Variants in MBNL3 observed in about 807,000 individuals in gnomAD.
MBNL3 encodes the protein muscleblind-like protein 3.
MBNL3 carries 6 observed loss-of-function variants against 24.5 expected under a neutral mutation model. The ratio of observed to expected loss-of-function variants is 0.25; its 90% CI spans 0.13 to 0.48. The LOEUF is 0.48. Ranked by LOEUF, MBNL3 falls within the 20% of genes least tolerant of loss-of-function variation. The pLI, the probability that MBNL3 is intolerant of heterozygous loss-of-function variation, is 0.99. For synonymous variants in MBNL3, 100 were observed against 101.7 expected, an observed-to-expected ratio of 0.98 and a Z score of 0.10; for missense variants, 230 against 293.5, an observed-to-expected ratio of 0.78 and a Z score of 1.58.
chrX:132,484,786 T>C (rs1460320379), intron 1 of MBNL3, among the ~76,000 whole-genome samples: 1 of 111,474 alleles, frequency 9.0e-6, no homozygotes, highest in African/African-American at 3.3e-5. Flanking sequence ...AGAAAACAAA[T>C]AATTCCTTTT....
At chrX:132,413,675 G>A (rs2148332335) in intron 2 of MBNL3, 28 of 969,801 alleles carry the variant, frequency 2.9e-5, no homozygotes, top group Non-Finnish European at 3.6e-5. Context: ...CACACGGCTC[G>A]CTACCCTGGC....
chrX:132,379,565 G>T lies in MBNL3; in HGVS notation c.*101C>A. 1 of 864,955 alleles carries T rather than the reference G, an allele frequency of 1.2e-6. No individual in the cohort carries two copies. The highest frequency in any genetic ancestry group is 1.6e-6 in the Non-Finnish European group (1 of 621,573). 71.3% of individuals were successfully genotyped at this position (864,955 alleles called of 1,213,427 possible). A position where few individuals can be genotyped will look rare whatever the true frequency, so the allele number is the denominator to read the frequency against. Reference sequence around the variant, plus strand: ...TTGCTTAATACATTGACTGCAACACGCTTATTGTTGTGTTGGTAGAATAAG... The same window carrying T: ...TTGCTTAATACATTGACTGCAACACTCTTATTGTTGTGTTGGTAGAATAAG... On this transcript the variant is annotated 3_prime_UTR_variant, in exon 9 of 9. Transcript: ENST00000370853.
chrX:132,439,407 A>C, intron 2 of MBNL3, 28 bp downstream of exon 2: 3 of 1,108,789 alleles, frequency 2.7e-6, no homozygotes, highest in Non-Finnish European at 3.6e-6. Flanking sequence ...CAACAAATTT[A>C]AATTATGTGC....
At chrX:132,400,596 G>A (rs1940725996) in intron 3 of MBNL3, among the ~76,000 whole-genome samples, 1 of 111,571 alleles carries the variant, frequency 9.0e-6, no homozygotes, top group African/African-American at 3.3e-5. Flanking sequence ...TTTTAAACAC[G>A]TTGCTAGGAC....
At chrX:132,435,496 TTC>T (rs1945069125) in intron 2 of MBNL3, among the ~76,000 whole-genome samples, 1 of 111,453 alleles carries the variant, frequency 9.0e-6, no homozygotes, top group Non-Finnish European at 1.9e-5. Context: ...TGAGTAAGTA[TTC>T]AGTCAAAAAT....
chrX:132,457,969 A>G (rs1231189465), intron 1 of MBNL3, among the ~76,000 whole-genome samples: 1 of 111,979 alleles, frequency 8.9e-6, no homozygotes, highest in East Asian at 2.8e-4. Context: ...TGAGAATTCT[A>G]GAACTGGAAA....
chrX:132,427,845 A>G (rs1944430880), intron 2 of MBNL3, among the ~76,000 whole-genome samples: 2 of 111,808 alleles, frequency 1.8e-5, no homozygotes, highest in African/African-American at 6.5e-5. Flanking sequence ...TACATAGGAC[A>G]TGTCTTGTTT....
intron 7 of MBNL3, among the ~76,000 whole-genome samples, chrX:132,383,804 C>A (rs955343809): frequency 8.1e-5 from 9 of 111,583 alleles, no homozygotes; most frequent in African/African-American, 2.9e-4. Context: ...ACCAAGGTGA[C>A]AAAGGTCAAT....
At chrX:132,412,130 T>C (rs1942822975) in intron 2 of MBNL3, among the ~76,000 whole-genome samples, 1 of 110,853 alleles carries the variant, frequency 9.0e-6, no homozygotes, top group African/African-American at 3.3e-5. Flanking sequence ...TATGTGACCA[T>C]TACGGCTGAA....
At chrX:132,467,448 A>G (rs1320292946) in intron 1 of MBNL3, among the ~76,000 whole-genome samples, 2 of 112,144 alleles carry the variant, frequency 1.8e-5, no homozygotes, top group Non-Finnish European at 3.8e-5. Flanking sequence ...ATTTTATTTA[A>G]GGGAAGTTCT....
At chrX:132,390,265 C>CAAAAAAAAAAAAAAAAAAAAAAAAA in intron 5 of MBNL3, among the ~76,000 whole-genome samples, 1 of 31,615 alleles carries the variant, frequency 3.2e-5, no homozygotes, top group Non-Finnish European at 5.3e-5. Flanking sequence ...ACAACAACAA[C>CAAAAAAAAAAAAAAAAAAAAAAAAA]AAAAAAAAAA....
chrX:132,422,916 G>A (rs1182005479), intron 2 of MBNL3, among the ~76,000 whole-genome samples: 2 of 111,823 alleles, frequency 1.8e-5, no homozygotes, highest in African/African-American at 6.5e-5. Context: ...ATGTGTCCAG[G>A]TGAAGTTGAT....
intron 2 of MBNL3, among the ~76,000 whole-genome samples, chrX:132,424,777 C>T (rs1422513850): frequency 9.2e-6 from 1 of 108,744 alleles, no homozygotes; most frequent in African/African-American, 3.4e-5. Flanking sequence ...CTCCTTTCCT[C>T]CTTCCTTCTT....
chrX:132,449,971 A>T (rs1428017996), intron 1 of MBNL3, among the ~76,000 whole-genome samples: 1 of 72,220 alleles, frequency 1.4e-5, no homozygotes, highest in African/African-American at 5.5e-5. Flanking sequence ...AAGAATGCTG[A>T]ATATTGCCCC....
intron 2 of MBNL3, among the ~76,000 whole-genome samples, chrX:132,437,533 ACTAT>A (rs1169774820): frequency 8.9e-6 from 1 of 112,035 alleles, no homozygotes; most frequent in Non-Finnish European, 1.9e-5. Flanking sequence ...TACAGAAGAT[ACTAT>A]CTATCTGTTA....
chrX:132,476,657 G>A lies in MBNL3; in HGVS notation c.-704+12194C>T, dbSNP rs757585396. ...TTTCAAATGTAATATTATATAAAAC[G>A]TCACAATATTTCCCAGACAGCCTGA... On this transcript the variant is annotated intron_variant, in intron 1 of 8. Coordinates refer to ENST00000370853, the MANE Select transcript of MBNL3 (RefSeq NM_001386889.1). 4.8e-4 allele frequency among the ~76,000 whole-genome samples: 54 copies of A among 111,827 alleles called. No individual in the cohort carries two copies. In the South Asian group the frequency reaches 0.013, roughly 26 times the overall value.
intron 2 of MBNL3, among the ~76,000 whole-genome samples, chrX:132,418,641 G>A (rs1053716814): frequency 3.6e-4 from 41 of 112,657 alleles, no homozygotes; most frequent in African/African-American, 1.3e-3. Flanking sequence ...CCAGACACTA[G>A]TTACTAGCAC....
At chrX:132,396,289 C>T (rs1221238793) in intron 3 of MBNL3, among the ~76,000 whole-genome samples, 1 of 100,466 alleles carries the variant, frequency 1.0e-5, no homozygotes, top group Non-Finnish European at 2.0e-5. Flanking sequence ...ATGAAATTCT[C>T]CAACGCTTTC....
intron 2 of MBNL3, among the ~76,000 whole-genome samples, chrX:132,436,581 A>G (rs756977485): frequency 3.6e-5 from 4 of 112,362 alleles, no homozygotes; most frequent in Non-Finnish European, 7.5e-5. Flanking sequence ...AAGAAATAGT[A>G]CACAGATGAA....
Sources: allele counts gnomAD v4.1 joint callset (sites outside exome capture counted in the v4.1 genomes callset), GRCh38; gene constraint gnomAD v4.1.1; transcripts MANE v1.5; gene names NCBI Gene and HGNC (gene_info 2026-07-23, HGNC 2026-07-21).